Variants in PCDHGB4 observed in about 807,000 individuals in gnomAD.
PCDHGB4 encodes the protein protocadherin gamma-B4.
PCDHGB4 carries 38 observed loss-of-function variants against 60.5 expected under a neutral mutation model. That is an observed-to-expected ratio of 0.63 (90% CI 0.48 to 0.82). PCDHGB4 has a LOEUF of 0.82. Among genes scored for constraint, PCDHGB4 ranks in the 40% least tolerant of loss-of-function variants. The pLI, the probability that PCDHGB4 is intolerant of heterozygous loss-of-function variation, is 0.00. For synonymous variants in PCDHGB4, 456 were observed against 509.7 expected (o/e 0.89, Z 1.42); for missense variants, 1,109 against 1,209.6 (o/e 0.92, Z 1.23).
intron 1 of PCDHGB4, chr5:141,423,830 G>A (rs527344048): frequency 5.5e-6 from 7 of 1,273,204 alleles, no homozygotes; most frequent in African/African-American, 3.1e-5. Flanking sequence ...CCTTTCATGA[G>A]ATTACGATAA....
At chr5:141,441,368 G>A (rs1215599443) in intron 1 of PCDHGB4, 2 of 152,598 alleles carry the variant, frequency 1.3e-5, no homozygotes, top group African/African-American at 2.4e-5. Flanking sequence ...TGGGGCCGTG[G>A]ACCAGGAACA....
At chr5:141,402,487 A>G (rs1239262921) in intron 1 of PCDHGB4, among the ~76,000 whole-genome samples, 1 of 152,226 alleles carries the variant, frequency 6.6e-6, no homozygotes, top group Non-Finnish European at 1.5e-5. Flanking sequence ...AAGTTCTACC[A>G]AGAATAAGAA....
intron 1 of PCDHGB4, among the ~76,000 whole-genome samples, chr5:141,425,105 G>C (rs1227234896): frequency 2.0e-5 from 3 of 152,236 alleles, no homozygotes; most frequent in African/African-American, 7.2e-5. Flanking sequence ...TCCAACAGAT[G>C]CCTACATTTT....
chr5:141,400,129 C>T (rs530393607), intron 1 of PCDHGB4: 1 of 1,614,104 alleles, frequency 6.2e-7, no homozygotes, highest in Admixed American at 1.7e-5. Flanking sequence ...GCAGGAGGTG[C>T]TGCCGGATAT....
At position 141,505,383 on chromosome 5, in the gene PCDHGB4, C is replaced by G. The variant is rs369765886; in HGVS notation, c.2457-10C>G. On this transcript the variant is annotated splice_polypyrimidine_tract_variant and intron_variant, in intron 2 of 3. Transcript: ENST00000519479. ...GGGAGTCTGTGCTCACCATCCTACT[C>G]TCTCCCCAGCTCCCAAAATGGCGAT... The G allele has an allele frequency of 6.2e-7, 1 of 1,613,944 alleles. No homozygotes were observed. The highest frequency in any genetic ancestry group is 1.3e-5 in the African/African-American group (1 of 74,914).
rs35482758 is a variant in PCDHGB4, at chr5:141,473,653, G to A, written c.2398-21154G>A. On this transcript the variant is annotated intron_variant, in intron 1 of 3. Coordinates refer to ENST00000519479, the MANE Select transcript of PCDHGB4 (RefSeq NM_003736.4). ...AGCTTTCCTGGCAAAGGAACAATTT[G>A]TGTGAAGGCCCTGAGACAGGGAAGG... Among the ~76,000 whole-genome samples, 302 of 152,274 alleles carry A rather than the reference G, an allele frequency of 2.0e-3. 1 individual carries two copies. Among genetic ancestry groups the A allele is most frequent in the Middle Eastern group, 0.01 (3 of 294 alleles).
Position 141,441,798 on chromosome 5 carries a change from CGGGT to C in PCDHGB4, c.2397+51519_2397+51522del, listed in dbSNP as rs1242635625. 6.4e-4 allele frequency: 248 copies of C among 387,326 alleles called. 2 individuals are homozygous for C. The highest frequency in any genetic ancestry group is 4.8e-3 in the African/African-American group (220 of 46,120). 24.0% of individuals were successfully genotyped at this position (387,326 alleles called of 1,614,324 possible). A position where few individuals can be genotyped will look rare whatever the true frequency, so the allele number is the denominator to read the frequency against. ...GGACGACCTGAATGACAACGCACCG[CGGGT>C]GCTGTACCCCAGCTCTGGAGCGCAA... On this transcript the variant is annotated intron_variant, in intron 1 of 3. Transcript: ENST00000519479.
chr5:141,405,522 C>T (rs542329840), intron 1 of PCDHGB4: 28 of 682,252 alleles, frequency 4.1e-5, no homozygotes, highest in Admixed American at 8.3e-5. Flanking sequence ...CAAATTCAAG[C>T]GATTCTCCTG....
intron 1 of PCDHGB4, among the ~76,000 whole-genome samples, chr5:141,492,418 C>T (rs1428695013): frequency 2.0e-5 from 3 of 152,236 alleles, no homozygotes; most frequent in Admixed American, 1.3e-4. Flanking sequence ...CCGCTCCCTC[C>T]GCCGGGCTCA....
At chr5:141,414,811 C>T in intron 1 of PCDHGB4, 3 of 1,614,254 alleles carry the variant, frequency 1.9e-6, no homozygotes, top group Non-Finnish European at 2.5e-6. Context: ...GGATCCTCCA[C>T]TCAGCAGCAA....
At position 141,418,595 on chromosome 5, in the gene PCDHGB4, G is replaced by A. The variant is rs1331897624; in HGVS notation, c.2397+28314G>A. The A allele has an allele frequency of 2.5e-6, 4 of 1,613,928 alleles. No individual in the cohort carries two copies. Among genetic ancestry groups the A allele is most frequent in the Admixed American group, 3.3e-5 (2 of 60,006 alleles). On this transcript the variant is annotated intron_variant, in intron 1 of 3. Transcript: ENST00000519479. ...CAACCCCCCAGTGTTCAGCCAGGAC[G>A]TGTACAGGGTTAGCCTTCGGGAAGA...
At chr5:141,423,711 T>C (rs1479409204) in intron 1 of PCDHGB4, 1 of 1,330,004 alleles carries the variant, frequency 7.5e-7, no homozygotes, top group Non-Finnish European at 9.6e-7. Flanking sequence ...GCACAAGTCT[T>C]TTAAGGAGAT....
chr5:141,462,009 G>A (rs2099028674), intron 1 of PCDHGB4, among the ~76,000 whole-genome samples: 1 of 152,190 alleles, frequency 6.6e-6, no homozygotes, highest in Admixed American at 6.5e-5. Context: ...TTTTAATAGA[G>A]ACGGGGTTTC....
chr5:141,431,325 G>C lies in PCDHGB4; in HGVS notation c.2397+41044G>C, dbSNP rs772252181. On this transcript the variant is annotated intron_variant, in intron 1 of 3. Coordinates refer to ENST00000519479, the MANE Select transcript of PCDHGB4 (RefSeq NM_003736.4). The surrounding 1 kb of genome is among the most constrained non-coding windows in gnomAD (Gnocchi z 4.8). Reference sequence around the variant, plus strand: ...ATCGTGCAAAATGGAGCCGACGGTAGTAAGTACCCCGAATTGGTGCTGAAA... The same window carrying C: ...ATCGTGCAAAATGGAGCCGACGGTACTAAGTACCCCGAATTGGTGCTGAAA... 4.3e-6 allele frequency: 7 copies of C among 1,614,144 alleles called. No individual in the cohort carries two copies. In the Admixed American group the frequency reaches 8.3e-5, roughly 19 times the overall value.
At chr5:141,504,113 C>A (rs568207803) in intron 2 of PCDHGB4, among the ~76,000 whole-genome samples, 1 of 152,220 alleles carries the variant, frequency 6.6e-6, no homozygotes, top group Non-Finnish European at 1.5e-5. Flanking sequence ...TGTGTGTGTG[C>A]CAGGGCTGTT....
intron 3 of PCDHGB4, among the ~76,000 whole-genome samples, chr5:141,508,738 A>C (rs1596171196): frequency 7.1e-5 from 10 of 141,304 alleles, no homozygotes; most frequent in Admixed American, 1.4e-4. Context: ...TACACCCCCC[A>C]CCCCGCTCTT....
chr5:141,421,235 A>G (rs1375447356), intron 1 of PCDHGB4: 3 of 1,594,470 alleles, frequency 1.9e-6, no homozygotes, highest in East Asian at 2.2e-5. Context: ...GCCATGGCGA[A>G]TCGGCTACAG....
chr5:141,485,134 C>G lies in PCDHGB4; in HGVS notation c.2398-9673C>G, dbSNP rs967744072. 1.3e-6 allele frequency: 2 copies of G among 1,495,962 alleles called. No individual in the cohort carries two copies. Among genetic ancestry groups the G allele is most frequent in the South Asian group, 2.4e-5 (2 of 84,482 alleles). 92.7% of individuals were successfully genotyped at this position (1,495,962 alleles called of 1,614,324 possible). ...CTGTTTGGGGCGGGTCGGCTTCATC[C>G]GCGTCTCAGGAGCAAGTAGAGAATT... On this transcript the variant is annotated intron_variant, in intron 1 of 3. Transcript: ENST00000519479. The surrounding 1 kb of genome is among the most constrained non-coding windows in gnomAD (Gnocchi z 5.7).
intron 1 of PCDHGB4, chr5:141,415,275 G>A (rs1242620005): frequency 5.6e-6 from 9 of 1,614,094 alleles, no homozygotes; most frequent in East Asian, 4.5e-5. Flanking sequence ...TGGTGGTAGC[G>A]GTGGCCGCGG....
Sources: allele counts gnomAD v4.1 joint callset (sites outside exome capture counted in the v4.1 genomes callset), GRCh38; gene constraint gnomAD v4.1.1; non-coding constraint Gnocchi (gnomAD v3.1); transcripts MANE v1.5; gene names NCBI Gene and HGNC (gene_info 2026-07-23, HGNC 2026-07-21).